Variants in GRM8 observed in about 807,000 individuals in gnomAD.
GRM8 encodes the protein glutamate metabotropic receptor 8.
In GRM8, 47 loss-of-function variants were observed where a neutral mutation model predicts 87.2. The ratio of observed to expected loss-of-function variants is 0.54; its 90% CI spans 0.43 to 0.69. GRM8 has a LOEUF of 0.69. Among genes scored for constraint, GRM8 ranks in the 30% least tolerant of loss-of-function variants. GRM8 has a pLI of 0.00. For synonymous variants in GRM8, 396 were observed against 404.5 expected (o/e 0.98, Z 0.25); for missense variants, 1,019 against 1,139.2 (o/e 0.89, Z 1.52).
At chr7:127,043,795 T>A (rs771733063) in intron 3 of GRM8, among the ~76,000 whole-genome samples, 1 of 152,052 alleles carries the variant, frequency 6.6e-6, no homozygotes, top group Non-Finnish European at 1.5e-5. Context: ...TAAAAAACCC[T>A]TTGCGGATAG....
chr7:127,045,341 CTTTGATCTATCATATA>C (rs1818820231), intron 3 of GRM8, among the ~76,000 whole-genome samples: 1 of 150,360 alleles, frequency 6.7e-6, no homozygotes, highest in Non-Finnish European at 1.5e-5. Flanking sequence ...TTGTAGGAGT[CTTTGATCTATCATATA>C]TCCCAATATC....
chr7:127,097,798 T>C (rs1338240349), intron 3 of GRM8, among the ~76,000 whole-genome samples: 1 of 152,236 alleles, frequency 6.6e-6, no homozygotes, highest in Non-Finnish European at 1.5e-5. Context: ...TTTAAAGAAG[T>C]GCTTTTGACT....
chr7:127,240,007 C>T (rs191314520), intron 2 of GRM8, among the ~76,000 whole-genome samples: 1 of 152,264 alleles, frequency 6.6e-6, no homozygotes, highest in Admixed American at 6.5e-5. Context: ...AACAGCACCC[C>T]CTCCTGGCGA....
At chr7:126,556,453 C>A (rs926010543) in intron 8 of GRM8, among the ~76,000 whole-genome samples, 2 of 151,676 alleles carry the variant, frequency 1.3e-5, no homozygotes, top group Non-Finnish European at 2.9e-5. Flanking sequence ...TCAAGACCAG[C>A]CTGGCCAACA....
chr7:126,673,557 C>A (rs1806617227), intron 7 of GRM8, among the ~76,000 whole-genome samples: 2 of 152,160 alleles, frequency 1.3e-5, no homozygotes, highest in Non-Finnish European at 2.9e-5. Flanking sequence ...GATTCCCATC[C>A]TCCCACTGTC....
At chr7:126,952,905 T>C (rs1808313196) in intron 3 of GRM8, among the ~76,000 whole-genome samples, 1 of 152,060 alleles carries the variant, frequency 6.6e-6, no homozygotes, top group Non-Finnish European at 1.5e-5. Context: ...ATAATAACAA[T>C]GAAATATTGA....
At chr7:126,835,093 A>AAAAAG (rs1220155729) in intron 6 of GRM8, among the ~76,000 whole-genome samples, 3 of 151,666 alleles carry the variant, frequency 2.0e-5, no homozygotes, top group African/African-American at 7.3e-5. Flanking sequence ...AAATAAAAAA[A>AAAAAG]AAAAGAAAAG....
intron 9 of GRM8, among the ~76,000 whole-genome samples, chr7:126,517,337 G>A (rs1056398883): frequency 6.6e-6 from 1 of 152,060 alleles, no homozygotes; most frequent in African/African-American, 2.4e-5. Context: ...ACCAACAAAC[G>A]AGTAAGAAGA....
intron 3 of GRM8, among the ~76,000 whole-genome samples, chr7:127,079,177 G>A (rs1822595020): frequency 6.6e-6 from 1 of 151,998 alleles, no homozygotes; most frequent in African/African-American, 2.4e-5. Context: ...CTGGAGTGCA[G>A]TGGTATGATC....
chr7:126,477,625 AAG>A (rs1491323472), intron 9 of GRM8, among the ~76,000 whole-genome samples: 2 of 150,788 alleles, frequency 1.3e-5, no homozygotes, highest in African/African-American at 2.4e-5. Context: ...GAAAGAAAGA[AAG>A]AAAGAAAGAA....
chr7:126,755,075 T>G (rs1816850877), intron 7 of GRM8, among the ~76,000 whole-genome samples: 1 of 152,004 alleles, frequency 6.6e-6, no homozygotes, highest in South Asian at 2.1e-4. Flanking sequence ...GCAAAACTGA[T>G]GAAGCACATA....
intron 7 of GRM8, among the ~76,000 whole-genome samples, chr7:126,661,346 C>A (rs2151280089): frequency 6.6e-6 from 1 of 152,248 alleles, no homozygotes; most frequent in East Asian, 1.9e-4. Flanking sequence ...TCTTTATTTT[C>A]TTGTAAATGA....
chr7:126,770,140 C>T, intron 6 of GRM8, 75 bp from the exon 7 acceptor site: 2 of 979,150 alleles, frequency 2.0e-6, no homozygotes, highest in Non-Finnish European at 3.1e-6. Flanking sequence ...CTAAGATTTC[C>T]ATCATTTGAG....
intron 3 of GRM8, among the ~76,000 whole-genome samples, chr7:127,063,662 T>G (rs953149332): frequency 6.6e-6 from 1 of 152,238 alleles, no homozygotes; most frequent in African/African-American, 2.4e-5. Flanking sequence ...ATTTTTGTTA[T>G]TTCTCATCTT....
At chr7:126,881,096 A>C (rs183888969) in intron 6 of GRM8, among the ~76,000 whole-genome samples, 8 of 152,346 alleles carry the variant, frequency 5.3e-5, no homozygotes, top group Admixed American at 5.2e-4. Flanking sequence ...ATATATTTTC[A>C]TATGGCCTCT....
chr7:126,526,544 C>G (rs1813879238), intron 9 of GRM8, among the ~76,000 whole-genome samples: 1 of 152,150 alleles, frequency 6.6e-6, no homozygotes, highest in African/African-American at 2.4e-5. Context: ...CACTAATAAT[C>G]AACACTTAAA....
chr7:126,669,488 C>G (rs191695385), intron 7 of GRM8, among the ~76,000 whole-genome samples: 40 of 152,156 alleles, frequency 2.6e-4, no homozygotes, highest in South Asian at 8.3e-4. Flanking sequence ...GAAATAAAAA[C>G]ACCCCTAAGG....
At chr7:126,527,332 T>C (rs1433223324) in intron 9 of GRM8, among the ~76,000 whole-genome samples, 5 of 152,094 alleles carry the variant, frequency 3.3e-5, no homozygotes, top group Non-Finnish European at 5.9e-5. Context: ...CACTCCAGCC[T>C]GGGCAACAGA....
intron 7 of GRM8, among the ~76,000 whole-genome samples, chr7:126,682,491 T>C (rs1355047862): frequency 6.6e-6 from 1 of 152,238 alleles, no homozygotes; most frequent in Non-Finnish European, 1.5e-5. Context: ...ACAGATCTTG[T>C]AGATGATAGT....
Sources: gnomAD v4.1 joint callset for allele counts (sites outside exome capture counted in the v4.1 genomes callset) on GRCh38, gnomAD v4.1.1 for gene constraint, MANE v1.5 for transcripts, NCBI Gene and HGNC (gene_info 2026-07-23, HGNC 2026-07-21) for gene names.